The following MATR3 variants were observed in gnomAD, a reference collection of about 807,000 sequenced individuals.
The protein encoded by MATR3 is matrin-3.
MATR3 carries 4 observed loss-of-function variants against 85.5 expected under a neutral mutation model. The observed-to-expected ratio is 0.05, with a 90% confidence interval of 0.02 to 0.11. The LOEUF is 0.11. Ranked by LOEUF, MATR3 falls within the 10% of genes least tolerant of loss-of-function variation. The pLI is 1.00. For missense variants in MATR3, 685 were observed against 1,016.1 expected, an observed-to-expected ratio of 0.67 and a Z score of 4.43; for synonymous variants, 336 against 343.1, an observed-to-expected ratio of 0.98 and a Z score of 0.23.
chr5:139,328,353 A>G (rs1458150603), intron 14 of MATR3, among the ~76,000 whole-genome samples: 2 of 152,140 alleles, frequency 1.3e-5, no homozygotes, highest in Non-Finnish European at 2.9e-5. Context: ...TGCATTAACT[A>G]TATAAAGTTG....
chr5:139,328,593 T>C (rs1035604372), intron 14 of MATR3, among the ~76,000 whole-genome samples: 5 of 152,200 alleles, frequency 3.3e-5, no homozygotes, highest in South Asian at 2.1e-4. Context: ...ATAGTTGTTT[T>C]AGTTTATAAT....
At chr5:139,288,129 A>G (rs1581207642) in intron 3 of MATR3, among the ~76,000 whole-genome samples, 1 of 152,096 alleles carries the variant, frequency 6.6e-6, no homozygotes, top group Non-Finnish European at 1.5e-5. Context: ...GTGAAGGAAC[A>G]CTTGAGCCCA....
chr5:139,289,486 C>T (rs1435268941), upstream of MATR3, among the ~76,000 whole-genome samples: 1 of 152,212 alleles, frequency 6.6e-6, no homozygotes, highest in Non-Finnish European at 1.5e-5. Context: ...AAATTTCCTT[C>T]TTGCAGCTCC....
chr5:139,302,706 C>T lies in MATR3; in HGVS notation c.-177-4533C>T, dbSNP rs142117525. Among the ~76,000 whole-genome samples the T allele has an allele frequency of 2.0e-3, 298 of 152,318 alleles. 1 individual carries two copies. Among genetic ancestry groups the T allele is most frequent in the African/African-American group, 6.9e-3 (288 of 41,572 alleles). ...CTGCTTTGAAATTACTGACAGTCAA[C>T]TATGTCTGCCATCTATCAGTGACAT... On this transcript the variant is annotated intron_variant, in intron 1 of 14. Coordinates refer to ENST00000394805, the MANE Select transcript of MATR3 (RefSeq NM_018834.6).
intron 9 of MATR3, among the ~76,000 whole-genome samples, chr5:139,319,957 T>G (rs1371000628): frequency 1.3e-5 from 2 of 149,382 alleles, no homozygotes; most frequent in African/African-American, 4.9e-5. Flanking sequence ...TCTTTTTTTT[T>G]TTTTTGAGAC....
At chr5:139,286,485 TTTA>T (rs1310863785) in intron 3 of MATR3, among the ~76,000 whole-genome samples, 3 of 151,448 alleles carry the variant, frequency 2.0e-5, no homozygotes, top group South Asian at 4.2e-4. Flanking sequence ...ACTTTTTAAT[TTTA>T]TTATTTATTT....
chr5:139,319,844 C>CA (rs1208978797), intron 9 of MATR3, among the ~76,000 whole-genome samples: 34 of 60,466 alleles, frequency 5.6e-4, no homozygotes, highest in Non-Finnish European at 8.6e-4. Flanking sequence ...ACTCCCAACT[C>CA]AAAAAAAAAA....
intron 1 of MATR3, chr5:139,294,113 G>T: frequency 5.8e-6 from 7 of 1,201,858 alleles, no homozygotes; most frequent in Middle Eastern, 2.7e-4. Context: ...GCGCTGACCG[G>T]CCGAGCTTCC....
intron 2 of MATR3, chr5:139,314,049 T>TG (rs1202640908): frequency 6.5e-6 from 1 of 153,092 alleles, no homozygotes; most frequent in Admixed American, 6.5e-5. Context: ...TCCAAGTAGC[T>TG]GGGACTACAG....
At chr5:139,284,894 G>A (rs1753654149) in intron 3 of MATR3, among the ~76,000 whole-genome samples, 1 of 152,114 alleles carries the variant, frequency 6.6e-6, no homozygotes, top group Non-Finnish European at 1.5e-5. Flanking sequence ...TAAAATCTTT[G>A]AATCTATGAT....
chr5:139,304,345 A>T (rs1214908056), intron 1 of MATR3, among the ~76,000 whole-genome samples: 2 of 152,074 alleles, frequency 1.3e-5, no homozygotes, highest in African/African-American at 4.8e-5. Flanking sequence ...TACTAAAAAT[A>T]CAAAATTAGC....
At chr5:139,329,198 A>G (rs1756006674) in intron 14 of MATR3, 147 bp from the exon 15 acceptor site, 4 of 641,846 alleles carry the variant, frequency 6.2e-6, no homozygotes, top group East Asian at 5.9e-5. Context: ...TTTGTGTGCT[A>G]ATGAGGATTA....
chr5:139,325,335 G>C, intron 12 of MATR3, 105 bp from the exon 13 acceptor site: 1 of 1,580,476 alleles, frequency 6.3e-7, no homozygotes, highest in South Asian at 1.2e-5. Context: ...TGTCACTCTA[G>C]ATGAGGTTGG....
At chr5:139,313,113 G>A (rs1049358476) in intron 2 of MATR3, 2 of 148,264 alleles carry the variant, frequency 1.3e-5, no homozygotes, top group Admixed American at 6.8e-5. Context: ...TTGGTACCTT[G>A]GTACCTTACT....
rs1755316396 is a variant in MATR3, at chr5:139,317,540, G to C, written c.1183-56G>C. ...TATAAAAAGTCCTAATGCGTAATTG[G>C]TTTCATATTGCTTTAAAGAGACTTA... On this transcript the variant is annotated intron_variant, in intron 6 of 14. Transcript: ENST00000394805. 28 of 1,577,146 alleles carry C rather than the reference G, an allele frequency of 1.8e-5. No individual in the cohort carries two copies. The South Asian group carries it at 3.0e-4, about 17-fold the overall frequency.
At chr5:139,308,401 T>C (rs1754814567) in intron 2 of MATR3, 74 bp downstream of exon 2, 1 of 1,538,898 alleles carries the variant, frequency 6.5e-7, no homozygotes, top group African/African-American at 1.4e-5. Context: ...TTGACTCTAA[T>C]TCTGTAGTCT....
At chr5:139,297,222 A>G (rs1053156270) in intron 1 of MATR3, among the ~76,000 whole-genome samples, 1 of 152,208 alleles carries the variant, frequency 6.6e-6, no homozygotes, top group Non-Finnish European at 1.5e-5. Context: ...TGGGATGGAC[A>G]GTGCTAAGTT....
chr5:139,276,000 G>A, intron 1 of MATR3: 1 of 456,272 alleles, frequency 2.2e-6, no homozygotes, highest in Non-Finnish European at 4.4e-6. Context: ...TAAGCTATTG[G>A]TTTTATTGTC....
chr5:139,306,516 C>G (rs1754713614), intron 1 of MATR3, among the ~76,000 whole-genome samples: 6 of 152,026 alleles, frequency 3.9e-5, no homozygotes. Context: ...CTGTACTGAC[C>G]AGAGTTAGTT....
Sources: allele counts gnomAD v4.1 joint callset (sites outside exome capture counted in the v4.1 genomes callset), GRCh38; gene constraint gnomAD v4.1.1; transcripts MANE v1.5; gene names NCBI Gene and HGNC (gene_info 2026-07-23, HGNC 2026-07-21).